ZNF354B: variants seen among roughly 807,000 people sequenced by gnomAD.
ZNF354B encodes zinc finger protein 354B.
In ZNF354B, 10 loss-of-function variants were observed where a neutral mutation model predicts 12.9. The ratio of observed to expected loss-of-function variants is 0.77; its 90% CI spans 0.48 to 1.31. The LOEUF is 1.31. ZNF354B is among the 40% of genes most tolerant of loss of function. The pLI is 0.00. For synonymous variants in ZNF354B, 260 were observed against 243.7 expected (o/e 1.07, Z -0.62); for missense variants, 614 against 711.7 (o/e 0.86, Z 1.56).
intron 4 of ZNF354B, 71 bp from the exon 5 acceptor site, chr5:178,882,638 C>T: frequency 3.5e-6 from 5 of 1,428,694 alleles, no homozygotes; most frequent in Non-Finnish European, 4.6e-6. Flanking sequence ...TACAATTAAT[C>T]CCTTCTACAC....
At chr5:178,878,244 G>A (rs1311710029) in intron 4 of ZNF354B, among the ~76,000 whole-genome samples, 16 of 152,072 alleles carry the variant, frequency 1.1e-4, no homozygotes, top group African/African-American at 3.6e-4. Flanking sequence ...TTAGCCAGGC[G>A]TAGTGGCGGG....
intron 4 of ZNF354B, among the ~76,000 whole-genome samples, chr5:178,880,872 C>T (rs1757706712): frequency 8.9e-6 from 1 of 112,010 alleles, no homozygotes; most frequent in African/African-American, 3.6e-5. Flanking sequence ...GATGGAGTTG[C>T]ACTCTTGTTG....
intron 2 of ZNF354B, among the ~76,000 whole-genome samples, chr5:178,865,085 C>T (rs527666877): frequency 4.9e-4 from 75 of 152,284 alleles, no homozygotes; most frequent in Non-Finnish European, 1.0e-3. Flanking sequence ...TAATAGCTGA[C>T]ATTGGAACCT....
intron 2 of ZNF354B, among the ~76,000 whole-genome samples, chr5:178,864,875 G>A (rs1048839545): frequency 1.3e-5 from 2 of 151,966 alleles, no homozygotes. Context: ...CACCCGCCTC[G>A]GCCTCCCAAA....
chr5:178,868,524 T>C (rs1257284108), intron 4 of ZNF354B, among the ~76,000 whole-genome samples: 1 of 151,648 alleles, frequency 6.6e-6, no homozygotes, highest in Non-Finnish European at 1.5e-5. Flanking sequence ...AACACACTCA[T>C]TGCACACAAG....
chr5:178,863,804 G>A (rs566964948), intron 2 of ZNF354B, among the ~76,000 whole-genome samples: 1 of 152,248 alleles, frequency 6.6e-6, no homozygotes, highest in Admixed American at 6.5e-5. Flanking sequence ...TGTTGATGCT[G>A]ACCCGTGTAG....
At chr5:178,880,112 C>G (rs568178111) in intron 4 of ZNF354B, among the ~76,000 whole-genome samples, 9 of 152,202 alleles carry the variant, frequency 5.9e-5, no homozygotes, top group South Asian at 4.2e-4. Flanking sequence ...GGCGACAGAG[C>G]GAGACTCCGT....
chr5:178,870,410 G>A (rs991048651), intron 4 of ZNF354B, among the ~76,000 whole-genome samples: 10 of 152,158 alleles, frequency 6.6e-5, no homozygotes, highest in African/African-American at 2.4e-4. Context: ...TCCGGTAGCT[G>A]GGATCACAGG....
intron 4 of ZNF354B, among the ~76,000 whole-genome samples, chr5:178,871,303 C>A (rs1285400095): frequency 1.3e-5 from 2 of 152,174 alleles, no homozygotes; most frequent in Non-Finnish European, 2.9e-5. Flanking sequence ...CAAGCAGGCC[C>A]CCACTCAGGG....
chr5:178,882,889 T>C lies in ZNF354B; in HGVS notation c.437T>C (p.Val146Ala), dbSNP rs138269249. ...DKNENLQIISVAHTKILTVDR... is the reference protein window; with the variant it reads ...DKNENLQIISAAHTKILTVDR... ...AATGAAAATTTACAAATAATTTCAG[T>C]TGCCCATACAAAAATCCTTACTGTA... Residue 146 changes from valine (V) to alanine (A), a missense_variant, in exon 5 of 5, where the codon GTT (valine) becomes GCT (alanine). Val to Ala is a moderately conservative substitution (Grantham distance 64, BLOSUM62 0). Transcript: ENST00000322434. The C allele has an allele frequency of 4.6e-4, 732 of 1,599,800 alleles. 6 individuals carry two copies. In the South Asian group the frequency reaches 5.7e-3, roughly 13 times the overall value.
chr5:178,878,324 AGTGAGCC>A (rs1274685604), intron 4 of ZNF354B, among the ~76,000 whole-genome samples: 1 of 151,836 alleles, frequency 6.6e-6, no homozygotes, highest in Admixed American at 6.6e-5. Context: ...CGGAGCTTGC[AGTGAGCC>A]GAGATTATGC....
In ZNF354B at chr5:178,883,416, C is replaced by G; in HGVS notation, c.964C>G (p.Gln322Glu). The G allele has an allele frequency of 6.2e-7, 1 of 1,614,050 alleles. No homozygotes were observed. The highest frequency in any genetic ancestry group is 1.1e-5 in the South Asian group (1 of 91,072). ...GLFIHQKIHAQENPHKYNPGR... is the reference protein window; with the variant it reads ...GLFIHQKIHAEENPHKYNPGR... ...TTTTATACATCAAAAAATCCATGCT[C>G]AAGAAAATCCCCATAAATACAATCC... The change falls in exon 5 of 5, where the codon CAA becomes GAA. Residue 322 changes from glutamine (Q) to glutamate (E), a missense_variant. Physicochemically the swap from Gln to Glu is conservative, Grantham distance 29. Coordinates refer to ENST00000322434, the MANE Select transcript of ZNF354B (RefSeq NM_058230.3).
intron 2 of ZNF354B, among the ~76,000 whole-genome samples, chr5:178,865,370 C>CAGGA (rs1757430906): frequency 6.6e-6 from 1 of 152,036 alleles, no homozygotes; most frequent in African/African-American, 2.4e-5. Context: ...CGGGTTCAAG[C>CAGGA]GATTCTCCTG....
intron 2 of ZNF354B, among the ~76,000 whole-genome samples, chr5:178,861,433 C>G (rs932490660): frequency 6.6e-6 from 1 of 152,244 alleles, no homozygotes; most frequent in African/African-American, 2.4e-5. Context: ...GGAATACTTT[C>G]TCTTTTCACC....
chr5:178,869,611 G>C (rs888540828), intron 4 of ZNF354B, among the ~76,000 whole-genome samples: 2 of 152,158 alleles, frequency 1.3e-5, no homozygotes, highest in African/African-American at 4.8e-5. Context: ...CTAGAGAGAA[G>C]TATTAACAGG....
chr5:178,883,945 A>C lies in ZNF354B; in HGVS notation c.1493A>C (p.Glu498Ala). ...HTGERPYKCN[E>A]CDKTFRCNSS... ...GGAGAAAGACCCTATAAGTGTAACG[A>C]ATGTGACAAAACATTCAGGTGTAAC... Residue 498 changes from glutamate to alanine, a missense_variant, in exon 5 of 5, where the codon GAA (glutamate) becomes GCA (alanine). Glu to Ala is a moderately radical substitution (Grantham distance 107, BLOSUM62 -1). Coordinates refer to ENST00000322434, the MANE Select transcript of ZNF354B (RefSeq NM_058230.3). 1 of 1,614,162 alleles carries C rather than the reference A, an allele frequency of 6.2e-7. No individual in the cohort carries two copies. The highest frequency in any genetic ancestry group is 8.5e-7 in the Non-Finnish European group (1 of 1,180,002).
intron 4 of ZNF354B, among the ~76,000 whole-genome samples, chr5:178,879,716 G>A (rs1440422740): frequency 2.6e-5 from 4 of 152,138 alleles, no homozygotes; most frequent in Admixed American, 2.6e-4. Flanking sequence ...TTTCTTAGTA[G>A]GCATGGGCTA....
intron 4 of ZNF354B, among the ~76,000 whole-genome samples, chr5:178,875,158 G>A (rs1200295530): frequency 3.9e-5 from 6 of 152,122 alleles, no homozygotes; most frequent in Non-Finnish European, 8.8e-5. Flanking sequence ...TCTCCCACTC[G>A]AGTGCTGGCT....
intron 2 of ZNF354B, among the ~76,000 whole-genome samples, chr5:178,862,961 C>T (rs1271748883): frequency 6.6e-6 from 1 of 152,124 alleles, no homozygotes; most frequent in Non-Finnish European, 1.5e-5. Flanking sequence ...ATTAGAAAAC[C>T]GGAGTTATGA....
Sources: gnomAD v4.1 joint callset for allele counts (sites outside exome capture counted in the v4.1 genomes callset) on GRCh38, gnomAD v4.1.1 for gene constraint, MANE v1.5 for transcripts, NCBI Gene and HGNC (gene_info 2026-07-23, HGNC 2026-07-21) for gene names.